The following NDRG3 variants were observed in gnomAD, a reference collection of about 807,000 sequenced individuals.
NDRG3 encodes the protein NDRG family member 3, also known as protein NDRG3.
A neutral mutation model predicts 57.2 loss-of-function variants in NDRG3; 23 were observed. The ratio of observed to expected loss-of-function variants is 0.40; its 90% CI spans 0.29 to 0.57. NDRG3 has a LOEUF of 0.57. Among genes scored for constraint, NDRG3 ranks in the 20% least tolerant of loss-of-function variants. The pLI, the probability that NDRG3 is intolerant of heterozygous loss-of-function variation, is 0.42. For synonymous variants in NDRG3, 132 were observed against 162.6 expected (o/e 0.81, Z 1.43); for missense variants, 384 against 457.3 (o/e 0.84, Z 1.46).
intron 7 of NDRG3, among the ~76,000 whole-genome samples, chr20:36,681,419 C>T (rs369453161): frequency 6.6e-6 from 1 of 151,860 alleles, no homozygotes; most frequent in African/African-American, 2.4e-5. Flanking sequence ...GGGTGGATCA[C>T]GAGGTCAGGA....
At chr20:36,735,161 T>C (rs1159736792) in intron 1 of NDRG3, among the ~76,000 whole-genome samples, 1 of 152,054 alleles carries the variant, frequency 6.6e-6, no homozygotes, top group Non-Finnish European at 1.5e-5. Flanking sequence ...TAGCCAACAA[T>C]ACACCATATC....
chr20:36,659,417 C>T (rs563783000), intron 13 of NDRG3, among the ~76,000 whole-genome samples: 174 of 152,114 alleles, frequency 1.1e-3, no homozygotes, highest in Non-Finnish European at 2.1e-3. Context: ...TGTGAGCCAC[C>T]GTGCCCAGCC....
rs1181626886 is a variant in NDRG3 at position 36,660,321 on chromosome 20, G to A, written c.858+16C>T. On this transcript the variant is annotated intron_variant, in intron 13 of 15. Transcript: ENST00000349004. The stretch of plus-strand genomic sequence containing the variant: ...GCACATATAAGGGTTGGAAGTGAGG[G>A]AAGAAGGCACATTACCTTTAGCAAA... 1.9e-6 allele frequency: 3 copies of A among 1,590,340 alleles called. No individual in the cohort carries two copies. The highest frequency in any genetic ancestry group is 1.1e-5 in the South Asian group (1 of 89,636).
At chr20:36,671,423 A>T (rs780439338) in intron 8 of NDRG3, 26 bp from the exon 9 acceptor site, 1 of 1,601,156 alleles carries the variant, frequency 6.2e-7, no homozygotes, top group South Asian at 1.1e-5. Flanking sequence ...CTCTGTGTTA[A>T]GAATGTAAGC....
At chr20:36,656,018 C>T (rs1305515391) in intron 15 of NDRG3, among the ~76,000 whole-genome samples, 1 of 151,240 alleles carries the variant, frequency 6.6e-6, no homozygotes, top group Non-Finnish European at 1.5e-5. Context: ...CCTGTAGTCC[C>T]AGCTACTTGG....
chr20:36,673,543 A>G (rs537661315), intron 8 of NDRG3, among the ~76,000 whole-genome samples: 9 of 152,010 alleles, frequency 5.9e-5, no homozygotes, highest in Admixed American at 2.0e-4. Context: ...GTAGCTGGGA[A>G]CACAGGCGTG....
intron 3 of NDRG3, among the ~76,000 whole-genome samples, chr20:36,702,793 A>G (rs1392860155): frequency 1.3e-5 from 2 of 151,930 alleles, no homozygotes; most frequent in African/African-American, 2.4e-5. Context: ...GGTTCAAGCA[A>G]TCATCCTGCC....
chr20:36,705,593 C>T (rs1395666235), intron 3 of NDRG3, among the ~76,000 whole-genome samples: 1 of 152,086 alleles, frequency 6.6e-6, no homozygotes, highest in Admixed American at 6.6e-5. Context: ...GTTGCCAGCA[C>T]CCTCCTTTAC....
chr20:36,666,984 C>A (rs997444165), intron 9 of NDRG3, among the ~76,000 whole-genome samples: 6 of 152,126 alleles, frequency 3.9e-5, no homozygotes, highest in Admixed American at 3.3e-4. Flanking sequence ...GAGATATGCA[C>A]CACCATGCTC....
Position 36,665,270 on chromosome 20 carries a change from G to T in NDRG3, c.724C>A (p.Leu242Met). ...TTTGATTTGTTATCATTTTGGCCCA[G>T]TATGGGTCTTTCGATCTCCAGGTCT... is the stretch of plus-strand genomic sequence containing the variant. Reference protein sequence around the residue: ...RRDLEIERPILGQNDNKSKTL... With the variant: ...RRDLEIERPIMGQNDNKSKTL... The change falls in exon 11 of 16, where the codon CTG becomes ATG. Residue 242 changes from leucine to methionine, a missense_variant. Leu to Met is a conservative substitution (Grantham distance 15, BLOSUM62 2). Transcript: ENST00000349004. 1 of 1,614,188 alleles carries T rather than the reference G, an allele frequency of 6.2e-7. No individual in the cohort carries two copies. Among genetic ancestry groups the T allele is most frequent in the Non-Finnish European group, 8.5e-7 (1 of 1,180,028 alleles).
chr20:36,656,414 G>C lies in NDRG3; in HGVS notation c.895-3C>G. The C allele has an allele frequency of 6.2e-7, 1 of 1,613,960 alleles. No individual in the cohort carries two copies. The highest frequency in any genetic ancestry group is 8.5e-7 in the Non-Finnish European group (1 of 1,179,974). ...AAGGCCTCGGTGAGCTTCCCAGGCT[G>C]GGGGGATAAAACAAGAGGGCATTAA... On this transcript the variant is annotated splice_polypyrimidine_tract_variant and splice_region_variant and intron_variant, in intron 14 of 15. Coordinates refer to ENST00000349004, the MANE Select transcript of NDRG3 (RefSeq NM_032013.4).
intron 9 of NDRG3, among the ~76,000 whole-genome samples, chr20:36,669,719 T>G (rs886222473): frequency 2.0e-5 from 3 of 151,920 alleles, no homozygotes; most frequent in Admixed American, 6.6e-5. Context: ...TGCCTCAGCC[T>G]CCCAGGTAGC....
intron 2 of NDRG3, among the ~76,000 whole-genome samples, chr20:36,710,314 T>G (rs913429156): frequency 1.3e-5 from 2 of 151,376 alleles, no homozygotes; most frequent in African/African-American, 4.9e-5. Flanking sequence ...CAAAGTGAGA[T>G]CCTGTCTCAT....
chr20:36,712,135 A>G (rs866205905), intron 2 of NDRG3, among the ~76,000 whole-genome samples: 1 of 150,970 alleles, frequency 6.6e-6, no homozygotes, highest in Non-Finnish European at 1.5e-5. Flanking sequence ...GCGATCCCAG[A>G]CCCTCTTGAA....
intron 3 of NDRG3, among the ~76,000 whole-genome samples, chr20:36,693,123 TATATATATATATATATATACAC>T (rs2148133898): frequency 1.7e-5 from 1 of 59,134 alleles, no homozygotes; most frequent in African/African-American, 7.2e-5. Flanking sequence ...TATATATATA[TATATATATATATATATATACAC>T]ACACACACAT....
intron 1 of NDRG3, among the ~76,000 whole-genome samples, chr20:36,743,673 C>G (rs952359818): frequency 3.3e-5 from 5 of 150,602 alleles, no homozygotes; most frequent in Non-Finnish European, 3.0e-5. Context: ...AAAAAATTAG[C>G]TGGGGGTGGT....
At chr20:36,715,902 G>T (rs1046097034) in intron 2 of NDRG3, among the ~76,000 whole-genome samples, 2 of 148,778 alleles carry the variant, frequency 1.3e-5, no homozygotes, top group African/African-American at 5.0e-5. Context: ...GCCGAGATGG[G>T]TGGATGGCTT....
intron 1 of NDRG3, among the ~76,000 whole-genome samples, chr20:36,736,682 T>C (rs1185308355): frequency 2.0e-5 from 3 of 152,004 alleles, no homozygotes; most frequent in African/African-American, 7.3e-5. Context: ...AAGCAAAGGA[T>C]CTCAGGAGAC....
chr20:36,721,120 C>G (rs1372967653), intron 2 of NDRG3, among the ~76,000 whole-genome samples: 1 of 151,936 alleles, frequency 6.6e-6, no homozygotes, highest in African/African-American at 2.4e-5. Context: ...TATTTTTTCC[C>G]TTAGCATCTC....
Sources: allele counts gnomAD v4.1 joint callset (sites outside exome capture counted in the v4.1 genomes callset), GRCh38; gene constraint gnomAD v4.1.1; transcripts MANE v1.5; gene names NCBI Gene and HGNC (gene_info 2026-07-23, HGNC 2026-07-21).